The following TENM2 variants were observed in gnomAD, a reference collection of about 807,000 sequenced individuals.
TENM2 encodes the protein teneurin-2.
A neutral mutation model predicts 245.2 loss-of-function variants in TENM2; 52 were observed. The observed-to-expected ratio is 0.21, with a 90% confidence interval of 0.17 to 0.27. TENM2 has a LOEUF of 0.27. Among genes scored for constraint, TENM2 ranks in the 10% least tolerant of loss-of-function variants. The probability of loss-of-function intolerance (pLI) is 1.00; values close to 1 mark genes in which losing one functional copy is unlikely to be tolerated. For missense variants in TENM2, 3,046 were observed against 3,666.8 expected (o/e 0.83, Z 4.37); for synonymous variants, 1,363 against 1,438.9 (o/e 0.95, Z 1.19).
chr5:167,449,157 G>A (rs1765405687), intron 2 of TENM2, among the ~76,000 whole-genome samples: 3 of 152,200 alleles, frequency 2.0e-5, no homozygotes, highest in Non-Finnish European at 4.4e-5. Flanking sequence ...GTAGGCAAGT[G>A]TGATATTTCC....
intron 7 of TENM2, among the ~76,000 whole-genome samples, chr5:168,067,767 T>G (rs555019215): frequency 6.6e-6 from 1 of 152,248 alleles, no homozygotes; most frequent in South Asian, 2.1e-4. Context: ...CAGTGCCCAT[T>G]GACTAGTCAC....
intron 2 of TENM2, among the ~76,000 whole-genome samples, chr5:167,795,470 GATGTT>G (rs1000731209): frequency 6.6e-6 from 1 of 152,140 alleles, no homozygotes. Context: ...TTTTGGAAAA[GATGTT>G]AAGGGAGAAA....
chr5:167,027,196 T>C, the TENM2 span, among the ~76,000 whole-genome samples: 1 of 152,218 alleles, frequency 6.6e-6, no homozygotes, highest in Non-Finnish European at 1.5e-5. Flanking sequence ...GGGGATATTT[T>C]CAGAGGATGT....
intron 5 of TENM2, among the ~76,000 whole-genome samples, chr5:168,035,625 C>T (rs1787596447): frequency 6.6e-6 from 1 of 152,020 alleles, no homozygotes; most frequent in African/African-American, 2.4e-5. Context: ...TCAGAAGAGA[C>T]CCAACTTCGG....
At chr5:167,474,516 A>G (rs550587486) in intron 2 of TENM2, among the ~76,000 whole-genome samples, 1 of 108,886 alleles carries the variant, frequency 9.2e-6, no homozygotes, top group Non-Finnish European at 1.8e-5. Context: ...TTAAATAAGT[A>G]GACTTTTTTT....
intron 2 of TENM2, among the ~76,000 whole-genome samples, chr5:167,751,953 T>TAC (rs111301552): frequency 0.2 from 29,966 of 149,634 alleles, 3,030 homozygotes; most frequent in Admixed American, 0.29. Context: ...GTGAAAATAA[T>TAC]ACACACACAC....
In TENM2 at chr5:168,070,170, C is replaced by T. The variant is rs1170263282; in HGVS notation, c.1515+7905C>T. Reference sequence around the variant, plus strand: ...CTAAAAACAGCATGTGTTTTGCTATCGATGAAGCTGATAGAACGAAATGTG... The same window carrying T: ...CTAAAAACAGCATGTGTTTTGCTATTGATGAAGCTGATAGAACGAAATGTG... On this transcript the variant is annotated intron_variant, in intron 7 of 28. Coordinates refer to ENST00000518659, the Ensembl canonical transcript of TENM2. 2.6e-5 allele frequency among the ~76,000 whole-genome samples: 4 copies of T among 152,250 alleles called. No individual in the cohort carries two copies. The South Asian group carries it at 6.2e-4, about 24-fold the overall frequency.
chr5:167,490,102 T>G (rs552771001), intron 2 of TENM2, among the ~76,000 whole-genome samples: 16 of 152,294 alleles, frequency 1.1e-4, no homozygotes, highest in African/African-American at 3.4e-4. Context: ...TCTACAGATT[T>G]AGATATATAT....
chr5:167,963,677 G>A (rs1411693550), intron 4 of TENM2, among the ~76,000 whole-genome samples: 1 of 152,240 alleles, frequency 6.6e-6, no homozygotes, highest in Non-Finnish European at 1.5e-5. Context: ...CTTTAGTCCA[G>A]TGTGTCTCCT....
the TENM2 span, among the ~76,000 whole-genome samples, chr5:166,980,534 C>A: frequency 6.6e-6 from 1 of 152,016 alleles, no homozygotes; most frequent in Admixed American, 6.6e-5. Flanking sequence ...ATTTAAAGTT[C>A]TTTGGAGGGT....
chr5:168,219,818 G>A (rs1365002514), intron 23 of TENM2, among the ~76,000 whole-genome samples: 2 of 65,184 alleles, frequency 3.1e-5, no homozygotes, highest in Non-Finnish European at 4.7e-5. Context: ...GGGAGAGTTG[G>A]CACAGCAAAA....
chr5:168,246,348 G>C (rs1454593935), intron 26 of TENM2, among the ~76,000 whole-genome samples: 4 of 152,114 alleles, frequency 2.6e-5, no homozygotes, highest in Non-Finnish European at 5.9e-5. Flanking sequence ...AGCAATCTTG[G>C]GGTTCCTTGT....
At chr5:168,233,171 C>G (rs891024486) in intron 25 of TENM2, among the ~76,000 whole-genome samples, 1 of 152,070 alleles carries the variant, frequency 6.6e-6, no homozygotes, top group East Asian at 1.9e-4. Flanking sequence ...ACTAAAAATA[C>G]AAAAATCAGC....
intron 5 of TENM2, among the ~76,000 whole-genome samples, chr5:168,030,528 C>T (rs1023351610): frequency 2.0e-5 from 3 of 152,130 alleles, no homozygotes; most frequent in Non-Finnish European, 2.9e-5. Flanking sequence ...CAGTAATTTC[C>T]ATTTCTAATA....
intron 25 of TENM2, among the ~76,000 whole-genome samples, chr5:168,234,650 G>A (rs1357727209): frequency 6.6e-6 from 1 of 152,156 alleles, no homozygotes; most frequent in East Asian, 1.9e-4. Context: ...GCTTTTGGAA[G>A]AGAGAACTGA....
At chr5:168,212,613 T>A (rs1383750787) in intron 20 of TENM2, among the ~76,000 whole-genome samples, 2 of 152,196 alleles carry the variant, frequency 1.3e-5, no homozygotes, top group Non-Finnish European at 2.9e-5. Flanking sequence ...AGAGTCAAAT[T>A]GCACAAGATC....
In TENM2 at chr5:167,834,917, TG is replaced by T. The variant is rs367548232; in HGVS notation, c.503-41066del. On this transcript the variant is annotated intron_variant, in intron 2 of 28. Coordinates refer to ENST00000518659, the Ensembl canonical transcript of TENM2. ...CGCCCGCCTCGGCCTCCCAAAGTGC[TG>T]GGATTACAGGCATGAGCCACTGCGC... Among the ~76,000 whole-genome samples the T allele has an allele frequency of 6.5e-4, 99 of 152,328 alleles. No homozygotes were observed. The East Asian group carries it at 0.012, about 18-fold the overall frequency.
chr5:167,526,733 A>G (rs1439267489), intron 2 of TENM2, among the ~76,000 whole-genome samples: 1 of 152,048 alleles, frequency 6.6e-6, no homozygotes, highest in Non-Finnish European at 1.5e-5. Context: ...TCAATGGCTA[A>G]TTGGCTGATT....
At chr5:168,112,229 T>A (rs1794718551) in intron 9 of TENM2, among the ~76,000 whole-genome samples, 1 of 152,160 alleles carries the variant, frequency 6.6e-6, no homozygotes, top group African/African-American at 2.4e-5. Flanking sequence ...TATGGAATTT[T>A]TTTTAACTTT....
Sources: allele counts gnomAD v4.1 joint callset (sites outside exome capture counted in the v4.1 genomes callset), GRCh38; gene constraint gnomAD v4.1.1; transcripts MANE v1.5; gene names NCBI Gene and HGNC (gene_info 2026-07-23, HGNC 2026-07-21).